Variants in UNC5C observed in about 807,000 individuals in gnomAD.
UNC5C encodes unc-5 netrin receptor C, also known as netrin receptor UNC5C.
In UNC5C, 47 loss-of-function variants were observed where a neutral mutation model predicts 99.8. That is an observed-to-expected ratio of 0.47 (90% CI 0.37 to 0.60). UNC5C has a LOEUF of 0.60. Among genes scored for constraint, UNC5C ranks in the 20% least tolerant of loss-of-function variants. UNC5C has a pLI of 0.00. For missense variants in UNC5C, 1,062 were observed against 1,165.9 expected (o/e 0.91, Z 1.30); for synonymous variants, 487 against 452.2 (o/e 1.08, Z -0.98).
intron 14 of UNC5C, among the ~76,000 whole-genome samples, chr4:95,182,070 G>T (rs1039573860): frequency 2.0e-5 from 3 of 152,092 alleles, no homozygotes; most frequent in Admixed American, 6.5e-5. Context: ...TCTTCCCTTT[G>T]TTCCTCTGGT....
intron 4 of UNC5C, among the ~76,000 whole-genome samples, chr4:95,267,287 T>C (rs945023689): frequency 6.6e-6 from 1 of 152,222 alleles, no homozygotes; most frequent in African/African-American, 2.4e-5. Context: ...GGGGGTTTCC[T>C]GGAATGTCTG....
At chr4:95,181,094 G>A (rs1454812514) in intron 14 of UNC5C, among the ~76,000 whole-genome samples, 1 of 152,074 alleles carries the variant, frequency 6.6e-6, no homozygotes, top group African/African-American at 2.4e-5. Context: ...CAGTGACCCA[G>A]AAGGAAAAGC....
chr4:95,449,289 A>G (rs1172411985), intron 1 of UNC5C, among the ~76,000 whole-genome samples: 1 of 152,206 alleles, frequency 6.6e-6, no homozygotes, highest in Non-Finnish European at 1.5e-5. Context: ...AAGCAATGAG[A>G]GGGCCATTGC....
chr4:95,359,553 C>T (rs1459807258), intron 1 of UNC5C, among the ~76,000 whole-genome samples: 1 of 150,846 alleles, frequency 6.6e-6, no homozygotes, highest in Non-Finnish European at 1.5e-5. Context: ...AATAATATTA[C>T]CTTCTCATTT....
Position 95,510,323 on chromosome 4 carries a change from G to A in UNC5C, c.124+38411C>T, listed in dbSNP as rs765935849. 4.6e-5 allele frequency among the ~76,000 whole-genome samples: 7 copies of A among 151,886 alleles called. No individual in the cohort carries two copies. The East Asian group carries it at 7.7e-4, about 17-fold the overall frequency. On this transcript the variant is annotated intron_variant, in intron 1 of 15. Coordinates refer to ENST00000453304, the MANE Select transcript of UNC5C (RefSeq NM_003728.4). ...CTTTCAAAGGCCAGGATTAAAGTTC[G>A]CTAAAACAGACCACTAGAGGGCAAG...
In UNC5C at chr4:95,496,947, G is replaced by A. The variant is rs767918135; in HGVS notation, c.124+51787C>T. Among the ~76,000 whole-genome samples, 169 of 151,844 alleles carry A rather than the reference G, an allele frequency of 1.1e-3. 1 individual carries two copies. The highest frequency in any genetic ancestry group is 2.0e-3 in the Non-Finnish European group (135 of 67,956). ...ATACAACATTTGGCTTTCCATTCCTGAGTTACTTCATTTAGAATAACAACC... is the reference window on the plus strand; with the variant it reads ...ATACAACATTTGGCTTTCCATTCCTAAGTTACTTCATTTAGAATAACAACC... On this transcript the variant is annotated intron_variant, in intron 1 of 15. Transcript: ENST00000453304.
chr4:95,210,807 C>T (rs763777064), intron 10 of UNC5C, among the ~76,000 whole-genome samples: 2 of 152,118 alleles, frequency 1.3e-5, no homozygotes, highest in South Asian at 2.1e-4. Context: ...ATTTTCTCAT[C>T]CTTTGCTTGT....
At chr4:95,324,817 C>A (rs1035241015) in intron 2 of UNC5C, among the ~76,000 whole-genome samples, 1 of 152,166 alleles carries the variant, frequency 6.6e-6, no homozygotes, top group Admixed American at 6.5e-5. Flanking sequence ...GCCCTCATCA[C>A]ACAATGAATC....
At chr4:95,394,623 T>A (rs1438330207) in intron 1 of UNC5C, among the ~76,000 whole-genome samples, 2 of 149,448 alleles carry the variant, frequency 1.3e-5, no homozygotes, top group Non-Finnish European at 2.9e-5. Context: ...TAATTACAAT[T>A]CTGGCATCTG....
chr4:95,385,262 C>T (rs1211873165), intron 1 of UNC5C, among the ~76,000 whole-genome samples: 1 of 152,078 alleles, frequency 6.6e-6, no homozygotes, highest in Non-Finnish European at 1.5e-5. Context: ...CCTATTGTGT[C>T]GATGTGCGGA....
intron 7 of UNC5C, among the ~76,000 whole-genome samples, chr4:95,238,152 C>G (rs1041120837): frequency 6.6e-6 from 1 of 152,136 alleles, no homozygotes; most frequent in African/African-American, 2.4e-5. Flanking sequence ...GACTCATAAA[C>G]AGAATAAAAC....
At chr4:95,184,300 A>G (rs1291910526) in intron 13 of UNC5C, among the ~76,000 whole-genome samples, 2 of 152,226 alleles carry the variant, frequency 1.3e-5, no homozygotes, top group African/African-American at 4.8e-5. Context: ...TCAGTCTTCC[A>G]GTATGTTCAT....
At chr4:95,456,309 T>C (rs1234709643) in intron 1 of UNC5C, among the ~76,000 whole-genome samples, 1 of 152,158 alleles carries the variant, frequency 6.6e-6, no homozygotes, top group Non-Finnish European at 1.5e-5. Flanking sequence ...AAGGAAAGTA[T>C]ACAAGTTGGC....
chr4:95,271,300 T>G (rs1322776755), intron 4 of UNC5C, among the ~76,000 whole-genome samples: 1 of 152,092 alleles, frequency 6.6e-6, no homozygotes, highest in East Asian at 1.9e-4. Flanking sequence ...CGATCTCGGC[T>G]CACTGCAAGC....
At chr4:95,405,247 T>C (rs1745802941) in intron 1 of UNC5C, among the ~76,000 whole-genome samples, 1 of 152,100 alleles carries the variant, frequency 6.6e-6, no homozygotes, top group Admixed American at 6.5e-5. Context: ...CCCTAGACAC[T>C]ACTGCAGAGC....
intron 1 of UNC5C, among the ~76,000 whole-genome samples, chr4:95,442,987 C>T (rs1007210273): frequency 6.6e-6 from 1 of 152,132 alleles, no homozygotes; most frequent in African/African-American, 2.4e-5. Flanking sequence ...TCAAAGAGCT[C>T]GCATTCCAGT....
At position 95,262,820 on chromosome 4, in the gene UNC5C, T is replaced by A. The variant is rs1410076448; in HGVS notation, c.595-12153A>T. On this transcript the variant is annotated intron_variant, in intron 4 of 15. Transcript: ENST00000453304. ...AAAGGAATACTGTAAGTTTCCCTAT[T>A]TTTTTTTTTTTTGAGATGGAGTTTC... Among the ~76,000 whole-genome samples the A allele has an allele frequency of 2.0e-5, 3 of 147,808 alleles. No homozygotes were observed. In the East Asian group the frequency reaches 6.0e-4, roughly 29 times the overall value.
intron 1 of UNC5C, among the ~76,000 whole-genome samples, chr4:95,401,535 G>T (rs1477309330): frequency 6.6e-6 from 1 of 152,082 alleles, no homozygotes; most frequent in Non-Finnish European, 1.5e-5. Flanking sequence ...TTGAACTGCT[G>T]GGCAAGTAAT....
intron 4 of UNC5C, among the ~76,000 whole-genome samples, chr4:95,256,381 T>C (rs1001216270): frequency 1.3e-5 from 2 of 152,132 alleles, no homozygotes; most frequent in African/African-American, 2.4e-5. Context: ...TAATGCCAAC[T>C]GTAGCCTTCC....
Sources: allele counts gnomAD v4.1 joint callset (sites outside exome capture counted in the v4.1 genomes callset), GRCh38; gene constraint gnomAD v4.1.1; transcripts MANE v1.5; gene names NCBI Gene and HGNC (gene_info 2026-07-23, HGNC 2026-07-21).